The following RSU1 variants were observed in gnomAD, a reference collection of about 807,000 sequenced individuals.
RSU1 encodes the protein rsu-1.
In RSU1, 26 loss-of-function variants were observed where a neutral mutation model predicts 31.1. The ratio of observed to expected loss-of-function variants is 0.84; its 90% CI spans 0.61 to 1.16. The LOEUF is 1.16. RSU1 is among the 50% of genes most tolerant of loss of function. The probability of loss-of-function intolerance (pLI) is 0.00; values close to 1 mark genes in which losing one functional copy is unlikely to be tolerated. For missense variants in RSU1, 320 were observed against 339.1 expected, an observed-to-expected ratio of 0.94 and a Z score of 0.44; for synonymous variants, 164 against 136.3, an observed-to-expected ratio of 1.20 and a Z score of -1.41.
intron 3 of RSU1, 39 bp downstream of exon 3, chr10:16,781,995 A>C (rs368006875): frequency 1.1e-4 from 166 of 1,579,690 alleles, no homozygotes; most frequent in Non-Finnish European, 1.4e-4. Flanking sequence ...AGGATTACCT[A>C]AATGTCAGAA....
intron 7 of RSU1, chr10:16,726,933 G>A: frequency 2.5e-6 from 1 of 403,960 alleles, no homozygotes; most frequent in Admixed American, 2.6e-5. Context: ...TGGTTTGACT[G>A]TTTTATAAAC....
At chr10:16,598,933 T>C (rs992942525) in intron 8 of RSU1, among the ~76,000 whole-genome samples, 5 of 152,110 alleles carry the variant, frequency 3.3e-5, no homozygotes, top group Non-Finnish European at 4.4e-5. Flanking sequence ...ATTAAAAAGA[T>C]GGAAAAATGA....
intron 7 of RSU1, among the ~76,000 whole-genome samples, chr10:16,709,621 A>C (rs1835977396): frequency 6.6e-6 from 1 of 152,170 alleles, no homozygotes; most frequent in South Asian, 2.1e-4. Context: ...AACAGTATAA[A>C]AGTGTTCCTA....
At chr10:16,627,334 A>G (rs1315613448) in intron 8 of RSU1, among the ~76,000 whole-genome samples, 1 of 152,208 alleles carries the variant, frequency 6.6e-6, no homozygotes, top group Non-Finnish European at 1.5e-5. Context: ...TTTTAAAACA[A>G]TTACGTGTAG....
intron 8 of RSU1, among the ~76,000 whole-genome samples, chr10:16,660,664 T>TTTTTTTTTGG (rs1588699856): frequency 6.8e-6 from 1 of 146,414 alleles, no homozygotes; most frequent in Admixed American, 6.8e-5. Flanking sequence ...TTTTTTTTTT[T>TTTTTTTTTGG]GAGGAAGGCT....
At chr10:16,709,408 C>G (rs373160262) in intron 7 of RSU1, among the ~76,000 whole-genome samples, 32 of 152,152 alleles carry the variant, frequency 2.1e-4, no homozygotes, top group African/African-American at 5.5e-4. Context: ...TTGGACATTT[C>G]GGTTGGTTCC....
intron 2 of RSU1, among the ~76,000 whole-genome samples, chr10:16,813,797 G>C (rs72771353): frequency 0.029 from 4,393 of 152,268 alleles, 65 homozygotes; most frequent in Non-Finnish European, 0.038. Flanking sequence ...GAACCTGTCT[G>C]ATACCTGTCT....
chr10:16,813,366 C>G (rs1192477598), intron 2 of RSU1, among the ~76,000 whole-genome samples: 1 of 152,164 alleles, frequency 6.6e-6, no homozygotes, highest in East Asian at 1.9e-4. Flanking sequence ...ACACCTGATA[C>G]AAATGCCTTA....
At chr10:16,621,022 T>C (rs1834060402) in intron 8 of RSU1, among the ~76,000 whole-genome samples, 1 of 152,110 alleles carries the variant, frequency 6.6e-6, no homozygotes, top group Non-Finnish European at 1.5e-5. Context: ...CTTAACCAAG[T>C]AACAGTTTAA....
intron 8 of RSU1, among the ~76,000 whole-genome samples, chr10:16,637,718 A>G (rs978628057): frequency 2.6e-5 from 4 of 152,176 alleles, no homozygotes; most frequent in Admixed American, 6.5e-5. Context: ...AAGAGTGAGC[A>G]TTTAGATGAC....
At chr10:16,706,251 C>A (rs968550172) in intron 7 of RSU1, among the ~76,000 whole-genome samples, 1 of 152,216 alleles carries the variant, frequency 6.6e-6, no homozygotes, top group African/African-American at 2.4e-5. Flanking sequence ...GGGTTCCCAA[C>A]CTCATCTTTT....
intron 7 of RSU1, among the ~76,000 whole-genome samples, chr10:16,708,727 C>A (rs970198418): frequency 2.0e-5 from 3 of 151,828 alleles, no homozygotes; most frequent in African/African-American, 4.8e-5. Context: ...AAGTAGCTTG[C>A]CATTTATTTG....
chr10:16,699,492 C>T (rs1272694587), intron 7 of RSU1, among the ~76,000 whole-genome samples: 1 of 152,198 alleles, frequency 6.6e-6, no homozygotes, highest in Non-Finnish European at 1.5e-5. Context: ...AGGTAGGTTC[C>T]CTTTTAAGTA....
At chr10:16,805,108 G>C (rs1433801568) in intron 2 of RSU1, among the ~76,000 whole-genome samples, 1 of 152,130 alleles carries the variant, frequency 6.6e-6, no homozygotes, top group Admixed American at 6.5e-5. Flanking sequence ...GGCTGAGGCT[G>C]AGGCAGGAGC....
intron 3 of RSU1, among the ~76,000 whole-genome samples, chr10:16,766,201 G>A (rs1180293496): frequency 1.3e-5 from 2 of 152,214 alleles, no homozygotes; most frequent in Non-Finnish European, 1.5e-5. Context: ...CGGCCCCTGC[G>A]CGAGCTCCGG....
intron 8 of RSU1, among the ~76,000 whole-genome samples, chr10:16,642,714 A>C (rs193064556): frequency 1.8e-4 from 28 of 152,324 alleles, no homozygotes; most frequent in Admixed American, 1.8e-3. Context: ...TAAAAGCACT[A>C]ATCTTAAACC....
chr10:16,747,671 C>T (rs1276672070), intron 7 of RSU1, among the ~76,000 whole-genome samples: 2 of 152,226 alleles, frequency 1.3e-5, no homozygotes, highest in Admixed American at 6.5e-5. Context: ...CTCTCAGACT[C>T]TCCACTTCCA....
chr10:16,672,444 C>T (rs1270973477), intron 8 of RSU1, among the ~76,000 whole-genome samples: 5 of 152,170 alleles, frequency 3.3e-5, no homozygotes, highest in Non-Finnish European at 5.9e-5. Flanking sequence ...TTTCTAATAG[C>T]CCCTAACTGG....
At chr10:16,600,950 GC>G (rs937685605) in intron 8 of RSU1, among the ~76,000 whole-genome samples, 3 of 152,046 alleles carry the variant, frequency 2.0e-5, no homozygotes, top group Admixed American at 2.0e-4. Flanking sequence ...TCCCTTTGCT[GC>G]AGCAGCAAGG....
Sources: allele counts gnomAD v4.1 joint callset (sites outside exome capture counted in the v4.1 genomes callset), GRCh38; gene constraint gnomAD v4.1.1; transcripts MANE v1.5; gene names NCBI Gene and HGNC (gene_info 2026-07-23, HGNC 2026-07-21).